The following KIAA1217 variants were observed in gnomAD, a reference collection of about 807,000 sequenced individuals.
The protein encoded by KIAA1217 is KIAA1217.
KIAA1217 carries 88 observed loss-of-function variants against 163.9 expected under a neutral mutation model. The ratio of observed to expected loss-of-function variants is 0.54; its 90% CI spans 0.45 to 0.64. The LOEUF is 0.64. Ranked by LOEUF, KIAA1217 falls within the 30% of genes least tolerant of loss-of-function variation. The pLI is 0.00. For synonymous variants in KIAA1217, 903 were observed against 923.1 expected, an observed-to-expected ratio of 0.98 and a Z score of 0.39; for missense variants, 2,372 against 2,475.0, an observed-to-expected ratio of 0.96 and a Z score of 0.88.
intron 2 of KIAA1217, among the ~76,000 whole-genome samples, chr10:24,185,688 G>A (rs1461968557): frequency 1.3e-5 from 2 of 152,080 alleles, no homozygotes; most frequent in African/African-American, 2.4e-5. Flanking sequence ...GCAGCTACTC[G>A]GGAGGTTGAG....
intron 1 of KIAA1217, among the ~76,000 whole-genome samples, chr10:23,846,352 T>C (rs550078588): frequency 6.6e-6 from 1 of 152,302 alleles, no homozygotes; most frequent in South Asian, 2.1e-4. Context: ...TATGGATTCT[T>C]CCTATCCATA....
chr10:23,719,610 A>T (rs958238646), intron 1 of KIAA1217, among the ~76,000 whole-genome samples: 1 of 151,010 alleles, frequency 6.6e-6, no homozygotes, highest in Admixed American at 6.6e-5. Context: ...AAATAAATAA[A>T]AAGGAAGAAA....
chr10:24,389,602 G>A (rs572373493), intron 3 of KIAA1217, among the ~76,000 whole-genome samples: 3 of 152,006 alleles, frequency 2.0e-5, no homozygotes, highest in South Asian at 4.2e-4. Flanking sequence ...ACAACAAAAT[G>A]TCAGAGCATT....
intron 1 of KIAA1217, among the ~76,000 whole-genome samples, chr10:23,869,211 G>C (rs1309146498): frequency 7.0e-6 from 1 of 142,326 alleles, no homozygotes; most frequent in East Asian, 2.1e-4. Flanking sequence ...TTAAAAAGTG[G>C]TCTAGCAGCA....
At chr10:24,067,652 C>A (rs568110274) in intron 2 of KIAA1217, among the ~76,000 whole-genome samples, 2 of 152,174 alleles carry the variant, frequency 1.3e-5, no homozygotes, top group Non-Finnish European at 2.9e-5. Context: ...CTGGGAGAAC[C>A]ACTACTCTCT....
rs2250411 is a variant in KIAA1217, at chr10:24,544,208, C to G, written c.4938C>G (p.Ile1646Met). 15 of 1,613,708 alleles carry G rather than the reference C, an allele frequency of 9.3e-6. No individual in the cohort carries two copies. The South Asian group carries it at 1.5e-4, about 17-fold the overall frequency. Residue 1646 changes from isoleucine (I) to methionine (M), a missense_variant, in exon 19 of 21, where the codon ATC becomes ATG. Ile to Met is a conservative substitution (Grantham distance 10). Around this residue, in one of 3 missense-constraint regions of KIAA1217, gnomAD observed 690 missense variants for 677.5 expected, o/e 1.02. Transcript: ENST00000376454. ...NTVRRQEQPS[I>M]ESTSPISRTD... Reference sequence around the variant, plus strand: ...TGAGGAGGCAAGAGCAGCCCAGCATCGAGAGTACATCTCCGATTTCAAGAA... The same window carrying G: ...TGAGGAGGCAAGAGCAGCCCAGCATGGAGAGTACATCTCCGATTTCAAGAA...
At chr10:23,987,174 G>A (rs984913092) in intron 1 of KIAA1217, among the ~76,000 whole-genome samples, 9 of 151,842 alleles carry the variant, frequency 5.9e-5, no homozygotes, top group Non-Finnish European at 1.3e-4. Context: ...TCAGGAGATC[G>A]AGACCATCCG....
At position 24,473,571 on chromosome 10, in the gene KIAA1217, A is replaced by C. The variant is rs774370888; in HGVS notation, c.1190A>C (p.Tyr397Ser). 27 of 1,614,114 alleles carry C rather than the reference A, an allele frequency of 1.7e-5. 1 individual carries two copies. The South Asian group carries it at 3.0e-4, about 18-fold the overall frequency. The change falls in exon 6 of 21, where the codon TAC becomes TCC. Residue 397 changes from tyrosine to serine, a missense_variant. Tyr to Ser is a moderately radical substitution (Grantham distance 144). This residue lies in a region of KIAA1217 where 1,431 missense variants were observed against 1,470.3 expected (regional missense o/e 0.97). Coordinates refer to ENST00000376454, the MANE Select transcript of KIAA1217 (RefSeq NM_019590.5). ...AATGAGGGTTTCTATGCTGATCCTT[A>C]CCTTTATCACGAGGGACGGATGAGC... Reference protein sequence around the residue: ...YRNEGFYADPYLYHEGRMSIA... With the variant: ...YRNEGFYADPSLYHEGRMSIA...
chr10:24,085,625 C>T (rs1286827454), intron 2 of KIAA1217, among the ~76,000 whole-genome samples: 1 of 151,838 alleles, frequency 6.6e-6, no homozygotes, highest in Non-Finnish European at 1.5e-5. Context: ...GAATATCTAT[C>T]AGCCTCTTCA....
At chr10:23,917,228 C>T (rs577847475) in intron 1 of KIAA1217, among the ~76,000 whole-genome samples, 10 of 152,232 alleles carry the variant, frequency 6.6e-5, no homozygotes, top group South Asian at 4.1e-4. Flanking sequence ...CAGCATTGCA[C>T]GCAGACCTCC....
intron 1 of KIAA1217, among the ~76,000 whole-genome samples, chr10:23,767,996 C>CT (rs1425551444): frequency 6.6e-6 from 1 of 152,180 alleles, no homozygotes; most frequent in Non-Finnish European, 1.5e-5. Context: ...GCTGGTTGCC[C>CT]TTAGGGCCAG....
chr10:24,448,452 A>G (rs1245170595), intron 5 of KIAA1217, among the ~76,000 whole-genome samples: 1 of 152,156 alleles, frequency 6.6e-6, no homozygotes, highest in Non-Finnish European at 1.5e-5. Flanking sequence ...CAGTGGCACA[A>G]TCATGGCTCA....
intron 1 of KIAA1217, among the ~76,000 whole-genome samples, chr10:23,819,766 C>T (rs760782653): frequency 1.3e-5 from 2 of 152,082 alleles, no homozygotes; most frequent in Non-Finnish European, 2.9e-5. Context: ...ATTTTTGAAC[C>T]AGATTTCCCT....
chr10:24,174,978 C>T (rs1218824440), intron 2 of KIAA1217, among the ~76,000 whole-genome samples: 1 of 151,948 alleles, frequency 6.6e-6, no homozygotes, highest in Non-Finnish European at 1.5e-5. Flanking sequence ...TTGCCTCAGC[C>T]TTCCAAGCAG....
chr10:24,117,452 C>A (rs968813905), intron 2 of KIAA1217, among the ~76,000 whole-genome samples: 8 of 151,986 alleles, frequency 5.3e-5, no homozygotes, highest in African/African-American at 1.9e-4. Flanking sequence ...CCAGCCTTGG[C>A]AACATGGTGA....
intron 2 of KIAA1217, among the ~76,000 whole-genome samples, chr10:24,017,388 G>A (rs1847532670): frequency 6.6e-6 from 1 of 152,012 alleles, no homozygotes; most frequent in Non-Finnish European, 1.5e-5. Flanking sequence ...GCATGAAGTA[G>A]AGAGCCTTTC....
At position 24,001,699 on chromosome 10, in the gene KIAA1217, G is replaced by T. The variant is rs557604881; in HGVS notation, c.-320-5526G>T. Among the ~76,000 whole-genome samples, 4 of 152,298 alleles carry T rather than the reference G, an allele frequency of 2.6e-5. No individual in the cohort carries two copies. In the East Asian group the frequency reaches 7.7e-4, roughly 29 times the overall value. ...GATTCAAAAGAATAGTATGAAGGCG[G>T]TGTTTGCACCAGAGAAAGTTCTTGA... On this transcript the variant is annotated intron_variant, in intron 1 of 18. Coordinates refer to the KIAA1217 transcript ENST00000376462.
intron 17 of KIAA1217, 59 bp downstream of exon 17, chr10:24,536,952 C>A: frequency 6.3e-7 from 1 of 1,596,934 alleles, no homozygotes; most frequent in Non-Finnish European, 8.6e-7. Context: ...CTTGCTCTGA[C>A]ACTAACACGG....
chr10:24,347,253 G>A (rs1295379497), intron 2 of KIAA1217, among the ~76,000 whole-genome samples: 1 of 152,154 alleles, frequency 6.6e-6, no homozygotes, highest in Admixed American at 6.5e-5. Context: ...TCATTTTCAG[G>A]CCTCTAAGCT....
Sources: gnomAD v4.1 joint callset for allele counts (sites outside exome capture counted in the v4.1 genomes callset) on GRCh38, gnomAD v4.1.1 for gene constraint, gnomAD v4.1.1 regional missense constraint, MANE v1.5 for transcripts, NCBI Gene and HGNC (gene_info 2026-07-23, HGNC 2026-07-21) for gene names.